Variants in STAB2 observed in about 807,000 individuals in gnomAD.
STAB2 encodes stabilin 2, also known as stabilin-2.
STAB2 carries 288 observed loss-of-function variants against 338.1 expected under a neutral mutation model. The observed-to-expected ratio is 0.85, with a 90% CI of 0.77 to 0.94. STAB2 has a LOEUF of 0.94. Among genes scored for constraint, STAB2 ranks in the 40% least tolerant of loss-of-function variants. The pLI is 0.00. For missense variants in STAB2, 3,141 were observed against 3,210.1 expected (o/e 0.98, Z 0.52); for synonymous variants, 1,202 against 1,193.3 (o/e 1.01, Z -0.15).
At chr12:103,742,654 C>G in intron 56 of STAB2, 100 bp downstream of exon 56, 2 of 1,556,884 alleles carry the variant, frequency 1.3e-6, no homozygotes, top group Non-Finnish European at 1.7e-6. Context: ...TCCTTTTGTC[C>G]TTTCTCTCAG....
At chr12:103,603,418 T>C (rs999672950) in intron 3 of STAB2, among the ~76,000 whole-genome samples, 14 of 152,250 alleles carry the variant, frequency 9.2e-5, no homozygotes, top group African/African-American at 3.4e-4. Flanking sequence ...TCAAGATTCA[T>C]TTCTTTGCAT....
rs1469411914 is a variant in STAB2, at chr12:103,766,712, G to GAAAC, written c.*380_*383dup. ...GTGCACAATAAAGGTTTATGGAACAGAAACAAAGTCAACAGAACAAACCTA... is the reference window on the plus strand; with the variant it reads ...GTGCACAATAAAGGTTTATGGAACAGAAACAAACAAAGTCAACAGAACAAACCTA... On this transcript the variant is annotated 3_prime_UTR_variant, in exon 69 of 69. Transcript: ENST00000388887. The GAAAC allele has an allele frequency of 1.2e-4, 22 of 184,324 alleles. No individual in the cohort carries two copies. In the South Asian group the frequency reaches 2.7e-3, roughly 23 times the overall value. 11.4% of individuals were successfully genotyped at this position (184,324 alleles called of 1,614,324 possible).
chr12:103,591,104 A>G, intron 2 of STAB2, 74 bp downstream of exon 2: 1 of 1,592,398 alleles, frequency 6.3e-7, no homozygotes, highest in Non-Finnish European at 8.5e-7. Context: ...ACTGCAAAGC[A>G]TTTCCATGAC....
chr12:103,632,110 G>C (rs1392724067), intron 6 of STAB2, among the ~76,000 whole-genome samples: 1 of 152,198 alleles, frequency 6.6e-6, no homozygotes, highest in Non-Finnish European at 1.5e-5. Context: ...AGGAAAGGGT[G>C]CTTCACCAAC....
In STAB2 at chr12:103,674,056, GC is replaced by G. The variant is rs746968877; in HGVS notation, c.2523del (p.Thr842ProfsTer33). On this transcript the variant is annotated frameshift_variant, in exon 23 of 69. Coordinates refer to ENST00000388887, the MANE Select transcript of STAB2 (RefSeq NM_017564.10). LOFTEE classifies it high-confidence loss of function. ...CTACGTGCAGTTCTGTCACATCCAC[GC>G]CACCTGTGAATACAGCAATGGGACA... ...GPYVQFCHIHATCEYSNGTAS... is the reference protein window; with the variant it reads ...GPYVQFCHIHXTCEYSNGTAS... 3 of 1,613,254 alleles carry G rather than the reference GC, an allele frequency of 1.9e-6. No individual in the cohort carries two copies. In the East Asian group the frequency reaches 6.7e-5, roughly 36 times the overall value.
At chr12:103,655,914 G>A (rs1050972810) in intron 15 of STAB2, among the ~76,000 whole-genome samples, 4 of 152,156 alleles carry the variant, frequency 2.6e-5, no homozygotes, top group Admixed American at 1.3e-4. Flanking sequence ...AACACTTCAA[G>A]TTCCCTACAA....
chr12:103,615,848 C>A (rs532824039), intron 3 of STAB2, among the ~76,000 whole-genome samples: 1 of 152,276 alleles, frequency 6.6e-6, no homozygotes, highest in African/African-American at 2.4e-5. Flanking sequence ...TCGTGAGACT[C>A]ATTCACTATC....
chr12:103,625,796 G>A (rs1442457152), intron 5 of STAB2, among the ~76,000 whole-genome samples: 3 of 152,144 alleles, frequency 2.0e-5, no homozygotes, highest in South Asian at 2.1e-4. Context: ...CTTTGCTATC[G>A]TGAATAGTGC....
intron 46 of STAB2, among the ~76,000 whole-genome samples, chr12:103,726,374 C>T (rs1881207065): frequency 6.6e-6 from 1 of 152,156 alleles, no homozygotes; most frequent in Non-Finnish European, 1.5e-5. Context: ...GGCCTGTAGT[C>T]CCAGCTACTT....
chr12:103,737,703 G>C lies in STAB2; in HGVS notation c.5620G>C (p.Ala1874Pro). ...QRELLFDLGV[A>P]YGIDCLLIDP... The stretch of plus-strand genomic sequence containing the variant: ...GGAGCTCTTGTTTGACCTGGGTGTG[G>C]CCTACGGCATTGACTGTCTGCTGAT... Residue 1874 changes from alanine to proline, a missense_variant, in exon 53 of 69, where the codon GCC (alanine) becomes CCC (proline). Transcript: ENST00000388887. The C allele has an allele frequency of 6.2e-7, 1 of 1,612,628 alleles. No homozygotes were observed. Among genetic ancestry groups the C allele is most frequent in the South Asian group, 1.1e-5 (1 of 91,032 alleles).
intron 44 of STAB2, among the ~76,000 whole-genome samples, chr12:103,718,166 C>T (rs181033818): frequency 6.6e-6 from 1 of 152,176 alleles, no homozygotes; most frequent in Non-Finnish European, 1.5e-5. Flanking sequence ...CTCTAGGAAG[C>T]CATCTTAGGT....
intron 3 of STAB2, among the ~76,000 whole-genome samples, chr12:103,616,903 G>A (rs1217978219): frequency 2.0e-5 from 3 of 152,198 alleles, no homozygotes; most frequent in Admixed American, 1.3e-4. Context: ...AAATGGCTGA[G>A]TTGGTTTTCA....
intron 51 of STAB2, among the ~76,000 whole-genome samples, chr12:103,733,848 TATG>T (rs1881849055): frequency 6.8e-6 from 1 of 148,100 alleles, no homozygotes; most frequent in African/African-American, 2.5e-5. Context: ...AGCATGATCA[TATG>T]AGAGCAGCAT....
chr12:103,636,242 C>G (rs1957546152), intron 6 of STAB2, among the ~76,000 whole-genome samples: 2 of 148,406 alleles, frequency 1.3e-5, no homozygotes, highest in African/African-American at 2.5e-5. Flanking sequence ...GTTCCCCTTC[C>G]TGTGTCCATG....
At chr12:103,680,361 C>T (rs1382899412) in intron 25 of STAB2, among the ~76,000 whole-genome samples, 1 of 152,100 alleles carries the variant, frequency 6.6e-6, no homozygotes, top group Admixed American at 6.5e-5. Context: ...TGTTTTGGCC[C>T]ACATGACTCT....
chr12:103,679,642 A>T (rs1876717347), intron 25 of STAB2, among the ~76,000 whole-genome samples: 1 of 152,188 alleles, frequency 6.6e-6, no homozygotes, highest in Non-Finnish European at 1.5e-5. Context: ...TCAGGGAGAA[A>T]TCTTTCAGTT....
intron 53 of STAB2, among the ~76,000 whole-genome samples, 161 bp from the exon 54 acceptor site, chr12:103,739,251 A>G (rs1295797098): frequency 1.3e-5 from 2 of 151,920 alleles, no homozygotes; most frequent in Non-Finnish European, 2.9e-5. Flanking sequence ...TGCTAGGATT[A>G]CAGGTGTCAG....
intron 19 of STAB2, 183 bp from the exon 20 acceptor site, chr12:103,668,460 A>G (rs1875377778): frequency 1.7e-6 from 1 of 573,008 alleles, no homozygotes; most frequent in African/African-American, 1.9e-5. Context: ...CAACAAGGGA[A>G]CAGGCCTAAA....
chr12:103,755,350 G>C lies in STAB2; in HGVS notation c.6763G>C (p.Ala2255Pro). Reference sequence around the variant, plus strand: ...AGGCTGGCTGGAGACCGGGCGGGTTGCCTACCCCACAGCCTTCGCCTCCCA... The same window carrying C: ...AGGCTGGCTGGAGACCGGGCGGGTTCCCTACCCCACAGCCTTCGCCTCCCA... ...SAGWLETGRV[A>P]YPTAFASQNC... The change falls in exon 62 of 69, where the codon GCC (alanine) becomes CCC (proline). Residue 2255 changes from alanine to proline, a missense_variant. Ala to Pro is a conservative substitution (Grantham distance 27). Transcript: ENST00000388887. The C allele has an allele frequency of 6.2e-7, 1 of 1,614,146 alleles. No homozygotes were observed.
Sources: gnomAD v4.1 joint callset for allele counts (sites outside exome capture counted in the v4.1 genomes callset) on GRCh38, gnomAD v4.1.1 for gene constraint, MANE v1.5 for transcripts, NCBI Gene and HGNC (gene_info 2026-07-23, HGNC 2026-07-21) for gene names.